PKHD1L1: variants seen among roughly 807,000 people sequenced by gnomAD.
PKHD1L1 encodes fibrocystin-L.
In PKHD1L1, 434 loss-of-function variants were observed where a neutral mutation model predicts 462.9. The observed-to-expected ratio is 0.94, with a 90% CI of 0.87 to 1.02. The LOEUF (loss-of-function observed/expected upper bound fraction) is 1.02. Among genes scored for constraint, PKHD1L1 ranks in the 50% least tolerant of loss-of-function variants. The pLI, the probability that PKHD1L1 is intolerant of heterozygous loss-of-function variation, is 0.00. For missense variants in PKHD1L1, 5,202 were observed against 5,096.1 expected, an observed-to-expected ratio of 1.02 and a Z score of -0.63; for synonymous variants, 1,781 against 1,750.0, an observed-to-expected ratio of 1.02 and a Z score of -0.44.
chr8:109,399,864 C>T (rs1813181099), intron 12 of PKHD1L1, among the ~76,000 whole-genome samples: 1 of 152,106 alleles, frequency 6.6e-6, no homozygotes, highest in Non-Finnish European at 1.5e-5. Context: ...TATGTGGAAA[C>T]TGAGGCTCAA....
intron 67 of PKHD1L1, among the ~76,000 whole-genome samples, chr8:109,499,662 C>A (rs1819302176): frequency 6.6e-6 from 1 of 152,146 alleles, no homozygotes; most frequent in Non-Finnish European, 1.5e-5. Flanking sequence ...ATTATTCTTT[C>A]ATAAGATATA....
In PKHD1L1 at chr8:109,388,535, C is replaced by A; in HGVS notation, c.608C>A (p.Pro203Gln). The change falls in exon 7 of 78, where the codon CCA (proline) becomes CAA (glutamine). Residue 203 changes from proline to glutamine, a missense_variant. Coordinates refer to ENST00000378402, the MANE Select transcript of PKHD1L1 (RefSeq NM_177531.6). ...IGGMPCELLI[P>Q]QSDNLYGLKL... is the part of the protein sequence containing the mutation. The stretch of plus-strand genomic sequence containing the variant: ...GGAATGCCCTGTGAGCTTCTCATAC[C>A]ACAATCTGATAATTTGTAAGTAATT... 6.6e-7 allele frequency: 1 copy of A among 1,512,990 alleles called. No homozygotes were observed. The highest frequency in any genetic ancestry group is 2.5e-5 in the East Asian group (1 of 40,678). 93.7% of individuals were successfully genotyped at this position (1,512,990 alleles called of 1,614,324 possible).
chr8:109,456,186 A>C, intron 45 of PKHD1L1, 76 bp from the exon 46 acceptor site: 1 of 1,441,092 alleles, frequency 6.9e-7, no homozygotes, highest in Non-Finnish European at 9.2e-7. Flanking sequence ...ATTTAGGAAA[A>C]GATTAAAATG....
rs116480360 is a variant in PKHD1L1, at chr8:109,378,778, C to T, written c.164-2592C>T. Among the ~76,000 whole-genome samples the T allele has an allele frequency of 9.1e-3, 1,379 of 152,166 alleles. 20 individuals are homozygous for T. The highest frequency in any genetic ancestry group is 0.031 in the African/African-American group (1,269 of 41,528). On this transcript the variant is annotated intron_variant, in intron 2 of 77. Transcript: ENST00000378402. The stretch of plus-strand genomic sequence containing the variant: ...GAATGTACATGGGCTTCTGGGCAGT[C>T]GAAGAGGACTTCACTAGTTGGTTAG...
intron 48 of PKHD1L1, among the ~76,000 whole-genome samples, chr8:109,463,308 A>G (rs1817241301): frequency 6.6e-6 from 1 of 152,064 alleles, no homozygotes; most frequent in African/African-American, 2.4e-5. Context: ...GGGATAATAA[A>G]ATCCATAAAT....
chr8:109,381,207 C>T (rs961911204), intron 2 of PKHD1L1, among the ~76,000 whole-genome samples, 163 bp from the exon 3 acceptor site: 2 of 152,112 alleles, frequency 1.3e-5, no homozygotes, highest in Non-Finnish European at 2.9e-5. Context: ...AAATTTTGTG[C>T]TTCCAAAGAA....
intron 4 of PKHD1L1, among the ~76,000 whole-genome samples, chr8:109,383,433 TATATAA>T (rs1296984372): frequency 8.1e-6 from 1 of 123,152 alleles, no homozygotes; most frequent in Non-Finnish European, 1.6e-5. Context: ...TAATATATAA[TATATAA>T]ATATATTATA....
rs111539217 is a variant in PKHD1L1, at chr8:109,416,451, A to G, written c.2361-2646A>G. On this transcript the variant is annotated intron_variant, in intron 21 of 77. Transcript: ENST00000378402. ...ATGATTTTAATAATTAACAATATCA[A>G]TTCTTCCAATCCATGAACACTGAAT... 6.5e-3 allele frequency among the ~76,000 whole-genome samples: 985 copies of G among 152,340 alleles called. 7 individuals are homozygous for G. Among genetic ancestry groups the G allele is most frequent in the Middle Eastern group, 0.051 (15 of 294 alleles).
intron 5 of PKHD1L1, 136 bp downstream of exon 5, chr8:109,384,263 G>T (rs1030399118): frequency 1.4e-6 from 1 of 722,662 alleles, no homozygotes; most frequent in Non-Finnish European, 2.2e-6. Flanking sequence ...TATCAGCCAG[G>T]CGCGGTGGCT....
rs763459506 is a variant in PKHD1L1 at position 109,498,579 on chromosome 8, A to T, written c.10711+6A>T. ...GAGTCCTAGATCTCCATCAGGTGAA[A>T]AATTTGAAACTTTAATGTTGTTGTT... On this transcript the variant is annotated splice_donor_region_variant and intron_variant, in intron 66 of 77. Transcript: ENST00000378402. 6 of 1,611,220 alleles carry T rather than the reference A, an allele frequency of 3.7e-6. No homozygotes were observed. In the Admixed American group the frequency reaches 8.3e-5, roughly 22 times the overall value.
At chr8:109,527,494 ACT>A (rs1224850615) in intron 77 of PKHD1L1, among the ~76,000 whole-genome samples, 1 of 152,082 alleles carries the variant, frequency 6.6e-6, no homozygotes, top group African/African-American at 2.4e-5. Context: ...ACAGAACAAG[ACT>A]CTGTCAAAAT....
chr8:109,376,175 T>C (rs1811813949), intron 2 of PKHD1L1, among the ~76,000 whole-genome samples: 1 of 152,232 alleles, frequency 6.6e-6, no homozygotes. Context: ...GGCCACTTTG[T>C]TTACCTAAGC....
At chr8:109,381,586 A>G (rs1407693895) in intron 3 of PKHD1L1, 72 bp downstream of exon 3, 16 of 1,157,120 alleles carry the variant, frequency 1.4e-5, no homozygotes, top group Non-Finnish European at 1.7e-5. Context: ...TATTAGTATT[A>G]TAATAGTTTT....
At chr8:109,393,900 G>T (rs1812824327) in intron 9 of PKHD1L1, among the ~76,000 whole-genome samples, 1 of 151,984 alleles carries the variant, frequency 6.6e-6, no homozygotes. Context: ...TGTAGGGCCG[G>T]GCGCGGTGGC....
intron 25 of PKHD1L1, among the ~76,000 whole-genome samples, chr8:109,429,113 A>AT (rs1421731268): frequency 2.0e-5 from 3 of 152,136 alleles, no homozygotes; most frequent in Admixed American, 6.5e-5. Flanking sequence ...GTTGTAATTG[A>AT]TGCAATGTAT....
rs756369431 is a variant in PKHD1L1 at position 109,510,925 on chromosome 8, T to C, written c.11544T>C (p.Asp3848=). Residue 3848 remains aspartate, a synonymous_variant, in exon 71 of 78, where the codon GAT becomes GAC. Transcript: ENST00000378402. ...TTCGACTGATGTTGCTTAATGTTGA[T>C]CATAACAAGGTAGGGCAAGATGTCT... The part of the protein sequence containing the change: ...QNLRLMLLNV[D]HNKAVLVGIF... 6.2e-7 allele frequency: 1 copy of C among 1,612,780 alleles called. No individual in the cohort carries two copies. The highest frequency in any genetic ancestry group is 1.1e-5 in the South Asian group (1 of 90,964).
intron 10 of PKHD1L1, among the ~76,000 whole-genome samples, chr8:109,394,868 A>G (rs10098672): frequency 0.56 from 84,936 of 152,082 alleles, 23,896 homozygotes; most frequent in South Asian, 0.65. Flanking sequence ...TGAAAATATT[A>G]TTACATCGAA....
rs1813745754 is a variant in PKHD1L1 at position 109,409,863 on chromosome 8, A to G, written c.1972-2A>G. ...TTACTAATGTTTATATTGTTAATTT[A>G]GTTTCAGGGAGCAGTGGAAGAAATG... On this transcript the variant is annotated splice_acceptor_variant, in intron 18 of 77. Transcript: ENST00000378402. LOFTEE classifies it high-confidence loss of function. The G allele has an allele frequency of 1.3e-6, 2 of 1,544,640 alleles. No homozygotes were observed. Among genetic ancestry groups the G allele is most frequent in the Admixed American group, 2.0e-5 (1 of 50,840 alleles).
intron 29 of PKHD1L1, 85 bp downstream of exon 29, chr8:109,435,439 G>A: frequency 7.1e-7 from 1 of 1,412,748 alleles, no homozygotes; most frequent in Non-Finnish European, 9.5e-7. Flanking sequence ...GGTGAAGGGA[G>A]AGGATCCCAA....
Sources: gnomAD v4.1 joint callset for allele counts (sites outside exome capture counted in the v4.1 genomes callset) on GRCh38, gnomAD v4.1.1 for gene constraint, MANE v1.5 for transcripts, NCBI Gene and HGNC (gene_info 2026-07-23, HGNC 2026-07-21) for gene names.